Variants in TXLNB observed in about 807,000 individuals in gnomAD.
The protein encoded by TXLNB is beta-taxilin.
In TXLNB, 37 loss-of-function variants were observed where a neutral mutation model predicts 57.4. That is an observed-to-expected ratio of 0.64 (90% confidence interval 0.50 to 0.85). The LOEUF is 0.85. Ranked by LOEUF, TXLNB falls within the 40% of genes least tolerant of loss-of-function variation. The probability of loss-of-function intolerance (pLI) is 0.00; values close to 1 mark genes in which losing one functional copy is unlikely to be tolerated. For synonymous variants in TXLNB, 302 were observed against 309.6 expected (o/e 0.98, Z 0.26); for missense variants, 848 against 825.6 (o/e 1.03, Z -0.33).
chr6:139,192,813 A>C, the TXLNB span, among the ~76,000 whole-genome samples: 1 of 151,912 alleles, frequency 6.6e-6, no homozygotes, highest in East Asian at 1.9e-4. Context: ...AATACAAAAA[A>C]TTAGCTGGGC....
the TXLNB span, among the ~76,000 whole-genome samples, chr6:139,201,328 A>T: frequency 6.6e-6 from 1 of 152,212 alleles, no homozygotes; most frequent in Non-Finnish European, 1.5e-5. Flanking sequence ...CACATCACCA[A>T]ACTGAAACTA....
At position 139,242,479 on chromosome 6, in the gene TXLNB, T is replaced by C. The variant is rs773292946; in HGVS notation, c.*47A>G. 1.7e-5 allele frequency: 25 copies of C among 1,434,268 alleles called. No individual in the cohort carries two copies. Among genetic ancestry groups the C allele is most frequent in the Admixed American group, 2.6e-5 (1 of 37,902 alleles). The allele number at this position is 1,434,268 out of a possible 1,614,324, so 88.8% of individuals were successfully genotyped here. The stretch of plus-strand genomic sequence containing the variant: ...TTTTTCGGAAGACAAGCTGTTATGC[T>C]GAATATGCAAAGAGGCAGGAAGAAG... On this transcript the variant is annotated 3_prime_UTR_variant, in exon 10 of 10. Transcript: ENST00000358430.
rs1776084239 is a variant in TXLNB, at chr6:139,247,133, GT to G, written c.1170+683del. 3.3e-5 allele frequency among the ~76,000 whole-genome samples: 5 copies of G among 151,972 alleles called. No homozygotes were observed. In the South Asian group the frequency reaches 1.0e-3, roughly 32 times the overall value. On this transcript the variant is annotated intron_variant, in intron 8 of 9. Coordinates refer to ENST00000358430, the MANE Select transcript of TXLNB (RefSeq NM_153235.4). Reference sequence around the variant, plus strand: ...TCTACTTTTGTATATTCATATAAAAGTTTTTTGGTTTTTTGTGTTTTTGTTT... The same window carrying G: ...TCTACTTTTGTATATTCATATAAAAGTTTTTGGTTTTTTGTGTTTTTGTTT...
chr6:139,306,431 A>C, the TXLNB span, among the ~76,000 whole-genome samples: 15 of 152,342 alleles, frequency 9.8e-5, no homozygotes, highest in Admixed American at 3.3e-4. Flanking sequence ...TCTCTGTGAA[A>C]GGATGTGCTA....
chr6:139,162,153 G>T, the TXLNB span, among the ~76,000 whole-genome samples: 1 of 152,128 alleles, frequency 6.6e-6, no homozygotes, highest in East Asian at 1.9e-4. Context: ...TCGTCAGCTG[G>T]TGGGGATTAT....
At chr6:139,202,882 A>G in the TXLNB span, among the ~76,000 whole-genome samples, 2 of 152,102 alleles carry the variant, frequency 1.3e-5, no homozygotes, top group Admixed American at 1.3e-4. Context: ...GCTTCTAGTA[A>G]CTATCATTCT....
At chr6:139,180,687 AAT>A in the TXLNB span, 2 of 152,584 alleles carry the variant, frequency 1.3e-5, no homozygotes, top group African/African-American at 4.8e-5. Flanking sequence ...AGACAGTGTA[AAT>A]AGTTAAAGAA....
At chr6:139,237,462 A>C (rs60719937), downstream of TXLNB, 1 of 150,248 alleles carries the variant, frequency 6.7e-6, no homozygotes, top group African/African-American at 2.5e-5. Context: ...TCAAGATCGT[A>C]CTACTGCAGT....
the TXLNB span, among the ~76,000 whole-genome samples, chr6:139,312,809 G>A: frequency 1.3e-5 from 2 of 152,190 alleles, no homozygotes; most frequent in African/African-American, 2.4e-5. Context: ...TTCTCCCTCT[G>A]TACTGAGGAG....
chr6:139,260,305 A>C lies in TXLNB; in HGVS notation c.1002+13T>G. On this transcript the variant is annotated intron_variant, in intron 6 of 9. Transcript: ENST00000358430. ...GTAGACCAGATATGCACAACGACTAAAATGATAAATACATATTCCTTTTCT... is the reference window on the plus strand; with the variant it reads ...GTAGACCAGATATGCACAACGACTACAATGATAAATACATATTCCTTTTCT... The C allele has an allele frequency of 6.2e-7, 1 of 1,613,858 alleles. No individual in the cohort carries two copies. The highest frequency in any genetic ancestry group is 8.5e-7 in the Non-Finnish European group (1 of 1,179,932).
chr6:139,185,468 G>T, the TXLNB span, among the ~76,000 whole-genome samples: 101,084 of 151,990 alleles, frequency 0.67, 34,624 homozygotes, highest in African/African-American at 0.79. Context: ...TTGGGAGGCC[G>T]AGGTGGGCGG....
the TXLNB span, among the ~76,000 whole-genome samples, chr6:139,309,654 GT>G: frequency 6.6e-6 from 1 of 152,182 alleles, no homozygotes; most frequent in South Asian, 2.1e-4. Flanking sequence ...GCCAGGCACA[GT>G]GGCTCATACC....
chr6:139,227,542 A>C, the TXLNB span, among the ~76,000 whole-genome samples: 1 of 152,200 alleles, frequency 6.6e-6, no homozygotes, highest in African/African-American at 2.4e-5. Context: ...AAATAGACAC[A>C]TGTCATATAA....
At chr6:139,207,600 C>T in the TXLNB span, among the ~76,000 whole-genome samples, 2 of 152,078 alleles carry the variant, frequency 1.3e-5, no homozygotes, top group Admixed American at 6.6e-5. Context: ...AAACTAAATA[C>T]AAGCCCAGCA....
At chr6:139,214,860 G>A in the TXLNB span, among the ~76,000 whole-genome samples, 10 of 152,194 alleles carry the variant, frequency 6.6e-5, no homozygotes, top group African/African-American at 2.2e-4. Context: ...CAAATCATGA[G>A]TGAACTCCCA....
chr6:139,275,856 G>A (rs1039397972), intron 3 of TXLNB, among the ~76,000 whole-genome samples: 5 of 152,214 alleles, frequency 3.3e-5, no homozygotes, highest in African/African-American at 1.2e-4. Flanking sequence ...GAGATGTCCT[G>A]AGGTTTAAGC....
the TXLNB span, among the ~76,000 whole-genome samples, chr6:139,226,520 C>A: frequency 0.65 from 99,252 of 151,814 alleles, 32,930 homozygotes; most frequent in East Asian, 0.82. Context: ...TAAACCACAG[C>A]ATAGCAGAAC....
intron 7 of TXLNB, chr6:139,255,357 G>T (rs569736675): frequency 2.6e-5 from 16 of 612,294 alleles, no homozygotes; most frequent in Non-Finnish European, 4.7e-5. Context: ...TGTTGCCGGC[G>T]CAGAACATTT....
the TXLNB span, among the ~76,000 whole-genome samples, chr6:139,214,537 A>G: frequency 6.6e-6 from 1 of 152,184 alleles, no homozygotes; most frequent in Non-Finnish European, 1.5e-5. Flanking sequence ...GAATGGACAA[A>G]AACTGGAAGC....
Sources: gnomAD v4.1 joint callset for allele counts (sites outside exome capture counted in the v4.1 genomes callset) on GRCh38, gnomAD v4.1.1 for gene constraint, MANE v1.5 for transcripts, NCBI Gene and HGNC (gene_info 2026-07-23, HGNC 2026-07-21) for gene names.